NALF1: variants seen among roughly 807,000 people sequenced by gnomAD.
The protein encoded by NALF1 is family with sequence similarity 155 member A.
A neutral mutation model predicts 48.4 loss-of-function variants in NALF1; 3 were observed. The observed-to-expected ratio is 0.06, with a 90% CI of 0.03 to 0.16. The LOEUF (loss-of-function observed/expected upper bound fraction) is 0.16, where lower values mean the gene tolerates loss of function less well. Ranked by LOEUF, NALF1 falls within the 10% of genes least tolerant of loss-of-function variation. The pLI is 1.00. For missense variants in NALF1, 526 were observed against 571.5 expected, an observed-to-expected ratio of 0.92 and a Z score of 0.81; for synonymous variants, 262 against 245.7, an observed-to-expected ratio of 1.07 and a Z score of -0.62.
intron 1 of NALF1, among the ~76,000 whole-genome samples, chr13:107,856,452 T>C (rs1021727957): frequency 1.3e-5 from 2 of 152,218 alleles, no homozygotes; most frequent in East Asian, 1.9e-4. Flanking sequence ...ATATTCTCGA[T>C]ATTAGCAAGA....
chr13:107,762,633 AG>A (rs1421440654), intron 1 of NALF1, among the ~76,000 whole-genome samples: 4 of 152,212 alleles, frequency 2.6e-5, no homozygotes, highest in East Asian at 1.9e-4. Flanking sequence ...AGTCAGTTCA[AG>A]GAAGTTTAGG....
chr13:107,673,884 T>C (rs567658305), intron 1 of NALF1, among the ~76,000 whole-genome samples: 2 of 152,270 alleles, frequency 1.3e-5, no homozygotes, highest in South Asian at 2.1e-4. Flanking sequence ...CATTCAGTTG[T>C]ACTTGTTGGA....
At chr13:107,574,920 A>G (rs1409747564) in intron 1 of NALF1, among the ~76,000 whole-genome samples, 3 of 152,208 alleles carry the variant, frequency 2.0e-5, no homozygotes, top group African/African-American at 7.2e-5. Flanking sequence ...CAACTTAGAG[A>G]TAGTAAAGTG....
At chr13:107,574,694 G>T (rs1443482687) in intron 1 of NALF1, among the ~76,000 whole-genome samples, 1 of 152,082 alleles carries the variant, frequency 6.6e-6, no homozygotes, top group Non-Finnish European at 1.5e-5. Flanking sequence ...ATCATAAAAG[G>T]CTCAAGGGTC....
chr13:107,389,006 C>G (rs17450199), intron 1 of NALF1, among the ~76,000 whole-genome samples: 15,474 of 152,230 alleles, frequency 0.1, 969 homozygotes, highest in South Asian at 0.22. Context: ...GAATGCAATT[C>G]TCAGGCTTCA....
chr13:107,841,563 C>T (rs1200604033), intron 1 of NALF1, among the ~76,000 whole-genome samples: 1 of 151,750 alleles, frequency 6.6e-6, no homozygotes, highest in Non-Finnish European at 1.5e-5. Context: ...GGTCTAGGTT[C>T]TTCCCAGAGA....
chr13:107,425,945 T>G (rs1241007218), intron 1 of NALF1, among the ~76,000 whole-genome samples: 1 of 152,184 alleles, frequency 6.6e-6, no homozygotes, highest in Non-Finnish European at 1.5e-5. Context: ...TGTACTATGA[T>G]ATTGGATATC....
intron 1 of NALF1, among the ~76,000 whole-genome samples, chr13:107,621,535 C>T (rs559697324): frequency 6.6e-6 from 1 of 152,204 alleles, no homozygotes; most frequent in African/African-American, 2.4e-5. Flanking sequence ...GCTATCCCAA[C>T]TTAACATGCT....
chr13:107,428,573 A>G lies in NALF1; in HGVS notation c.916-217818T>C, dbSNP rs181639169. On this transcript the variant is annotated intron_variant, in intron 1 of 2. Coordinates refer to ENST00000375915, the MANE Select transcript of NALF1 (RefSeq NM_001080396.3). ...TCCCAGAATCAGGAAACAGCCCTAG[A>G]GAAGGTGCCAAGCAACAGAACAATA... is the stretch of plus-strand genomic sequence containing the variant. Among the ~76,000 whole-genome samples the G allele has an allele frequency of 6.0e-4, 91 of 152,240 alleles. 2 individuals are homozygous for G. The highest frequency in any genetic ancestry group is 4.5e-3 in the Admixed American group (69 of 15,288).
intron 1 of NALF1, among the ~76,000 whole-genome samples, chr13:107,842,710 A>T (rs1329449189): frequency 6.6e-6 from 1 of 151,890 alleles, no homozygotes; most frequent in Non-Finnish European, 1.5e-5. Flanking sequence ...AACTTTTTTT[A>T]AAAGCTAATA....
chr13:107,342,702 T>G (rs1195109740), intron 1 of NALF1, among the ~76,000 whole-genome samples: 2 of 152,192 alleles, frequency 1.3e-5, no homozygotes, highest in African/African-American at 4.8e-5. Context: ...AACCATAAAA[T>G]GTTTTATGTT....
rs1878628789 is a variant in NALF1 at position 107,164,949 on chromosome 13, C to T, written c.*5548G>A. ...ACTGAGCACCTGTTTTGTCCAGGCA[C>T]ATTTATATTACTTATCTCTTTTAAG... is the stretch of plus-strand genomic sequence containing the variant. On this transcript the variant is annotated 3_prime_UTR_variant, in exon 3 of 3. Transcript: ENST00000375915. 1 of 152,104 alleles carries T rather than the reference C, an allele frequency of 6.6e-6. No homozygotes were observed. The highest frequency in any genetic ancestry group is 6.5e-5 in the Admixed American group (1 of 15,272). The allele number at this position is 152,104 out of a possible 1,614,324, so 9.4% of individuals were successfully genotyped here.
intron 1 of NALF1, among the ~76,000 whole-genome samples, chr13:107,551,502 T>C (rs1448938862): frequency 6.6e-6 from 1 of 152,162 alleles, no homozygotes; most frequent in African/African-American, 2.4e-5. Flanking sequence ...GTGAAGGCAA[T>C]TATATAAATA....
intron 1 of NALF1, among the ~76,000 whole-genome samples, chr13:107,631,831 C>T (rs954467275): frequency 4.6e-5 from 7 of 152,054 alleles, no homozygotes; most frequent in African/African-American, 1.7e-4. Context: ...TTCATGAGTA[C>T]CTTTTTATTT....
chr13:107,267,106 C>G (rs564029267), intron 1 of NALF1, among the ~76,000 whole-genome samples: 15 of 152,334 alleles, frequency 9.8e-5, no homozygotes, highest in African/African-American at 3.4e-4. Context: ...CCCATAAGCA[C>G]TTGGCTCTTG....
At chr13:107,397,478 A>T (rs1195782800) in intron 1 of NALF1, among the ~76,000 whole-genome samples, 1 of 152,156 alleles carries the variant, frequency 6.6e-6, no homozygotes, top group African/African-American at 2.4e-5. Context: ...CATGAATTAC[A>T]TATACTATCA....
At chr13:107,707,080 GC>G (rs1566451384) in intron 1 of NALF1, among the ~76,000 whole-genome samples, 1 of 151,094 alleles carries the variant, frequency 6.6e-6, no homozygotes, top group East Asian at 1.9e-4. Context: ...CCGCCACTAC[GC>G]CCGGCTAATT....
chr13:107,827,262 T>C (rs1387802498), intron 1 of NALF1, among the ~76,000 whole-genome samples: 1 of 148,102 alleles, frequency 6.8e-6, no homozygotes, highest in African/African-American at 2.6e-5. Flanking sequence ...CTTAAGCTGA[T>C]ACTCCTTGTA....
chr13:107,239,457 T>C (rs1412486250), intron 1 of NALF1, among the ~76,000 whole-genome samples: 1 of 152,232 alleles, frequency 6.6e-6, no homozygotes, highest in Non-Finnish European at 1.5e-5. Context: ...ACCAGTCATA[T>C]TGGATTAGGG....
Sources: gnomAD v4.1 joint callset for allele counts (sites outside exome capture counted in the v4.1 genomes callset) on GRCh38, gnomAD v4.1.1 for gene constraint, MANE v1.5 for transcripts, NCBI Gene and HGNC (gene_info 2026-07-23, HGNC 2026-07-21) for gene names.